The following AXL variants were observed in gnomAD, a reference collection of about 807,000 sequenced individuals.
AXL encodes AXL receptor tyrosine kinase.
A neutral mutation model predicts 104.5 loss-of-function variants in AXL; 52 were observed. The observed-to-expected ratio is 0.50, with a 90% CI of 0.40 to 0.63. The LOEUF (loss-of-function observed/expected upper bound fraction) is 0.63, where lower values mean the gene tolerates loss of function less well. Ranked by LOEUF, AXL falls within the 20% of genes least tolerant of loss-of-function variation. The probability of loss-of-function intolerance (pLI) is 0.00; values close to 1 mark genes in which losing one functional copy is unlikely to be tolerated. For missense variants in AXL, 1,024 were observed against 1,188.5 expected (o/e 0.86, Z 2.04); for synonymous variants, 455 against 473.7 (o/e 0.96, Z 0.51).
intron 4 of AXL, among the ~76,000 whole-genome samples, chr19:41,223,915 T>C (rs2033835725): frequency 6.6e-6 from 1 of 152,014 alleles, no homozygotes; most frequent in Admixed American, 6.6e-5. Context: ...CAGCACAACC[T>C]CTGTGTGAGG....
chr19:41,223,449 T>C (rs1023614967), intron 4 of AXL, among the ~76,000 whole-genome samples: 10 of 152,116 alleles, frequency 6.6e-5, no homozygotes, highest in African/African-American at 2.4e-4. Context: ...TGGGGGACCC[T>C]GGATTCAGGG....
chr19:41,244,535 A>T (rs1008691609), intron 12 of AXL, among the ~76,000 whole-genome samples: 2 of 151,162 alleles, frequency 1.3e-5, no homozygotes, highest in African/African-American at 2.4e-5. Flanking sequence ...GCTGGAGCAC[A>T]GTGGCACAAT....
chr19:41,225,873 G>A (rs2033870529), intron 4 of AXL, among the ~76,000 whole-genome samples: 1 of 152,030 alleles, frequency 6.6e-6, no homozygotes, highest in Admixed American at 6.6e-5. Context: ...AAGGAATTTC[G>A]TCCGTTTGTG....
intron 10 of AXL, among the ~76,000 whole-genome samples, chr19:41,242,110 C>T (rs192406103): frequency 7.9e-5 from 12 of 152,112 alleles, no homozygotes; most frequent in South Asian, 2.1e-4. Flanking sequence ...ACTCATAACG[C>T]GTTCCACACA....
intron 4 of AXL, chr19:41,226,930 T>C (rs150527825): frequency 1.2e-5 from 5 of 412,974 alleles, no homozygotes; most frequent in African/African-American, 2.2e-5. Context: ...TCTCCTCTTC[T>C]CTACAAAAAA....
chr19:41,220,728 G>A lies in AXL; in HGVS notation c.178G>A (p.Val60Ile), dbSNP rs144418422. 2.5e-6 allele frequency: 4 copies of A among 1,613,988 alleles called. No individual in the cohort carries two copies. The highest frequency in any genetic ancestry group is 1.3e-5 in the African/African-American group (1 of 74,934). ...LTGTLRCQLQ[V>I]QGEPPEVHWL... ...GGGCACCCTTCGGTGTCAGCTCCAGGTTCAGGGAGAGCCCCCCGAGGTACA... is the reference window on the plus strand; with the variant it reads ...GGGCACCCTTCGGTGTCAGCTCCAGATTCAGGGAGAGCCCCCCGAGGTACA... The change falls in exon 2 of 20, where the codon GTT (valine) becomes ATT (isoleucine). Residue 60 changes from valine to isoleucine, a missense_variant. Val to Ile is a conservative substitution (Grantham distance 29). Transcript: ENST00000301178.
intron 6 of AXL, among the ~76,000 whole-genome samples, chr19:41,233,050 C>T (rs967715154): frequency 1.3e-5 from 2 of 151,632 alleles, no homozygotes; most frequent in African/African-American, 2.4e-5. Context: ...AGTGCTGTGG[C>T]GTGATCACGG....
At chr19:41,230,858 G>A in intron 4 of AXL, 109 bp from the exon 5 acceptor site, 2 of 1,136,038 alleles carry the variant, frequency 1.8e-6, no homozygotes, top group Non-Finnish European at 1.3e-6. Flanking sequence ...GCCTGTGTGG[G>A]CTGCACTGCC....
chr19:41,248,746 A>T lies in AXL; in HGVS notation c.1637A>T (p.Glu546Val). ...VALGKTLGEGEFGAVMEGQLN... is the reference protein window; with the variant it reads ...VALGKTLGEGVFGAVMEGQLN... ...GTCTCCCTCTGGCCCCCCACAGGAG[A>T]GTTTGGAGCTGTGATGGAAGGCCAG... Residue 546 changes from glutamate (E) to valine (V), a missense_variant, in exon 14 of 20, where the codon GAG becomes GTG. This residue lies in a region of AXL where 523 missense variants were observed against 636.0 expected (regional missense o/e 0.82). Coordinates refer to ENST00000301178, the MANE Select transcript of AXL (RefSeq NM_021913.5). The T allele has an allele frequency of 6.2e-7, 1 of 1,613,958 alleles. No homozygotes were observed. The highest frequency in any genetic ancestry group is 8.5e-7 in the Non-Finnish European group (1 of 1,179,988).
intron 12 of AXL, among the ~76,000 whole-genome samples, chr19:41,247,358 A>T (rs151013801): frequency 0.013 from 1,997 of 152,286 alleles, 20 homozygotes; most frequent in Middle Eastern, 0.065. Context: ...TACTAAAAAT[A>T]CAAAATTAGC....
chr19:41,257,645 T>C lies in AXL; in HGVS notation c.2333+16T>C, dbSNP rs2034476182. 2.5e-6 allele frequency: 4 copies of C among 1,613,792 alleles called. No homozygotes were observed. In the African/African-American group the frequency reaches 5.3e-5, roughly 22 times the overall value. ...TGGATGGACTGTGAGGACCCTTAGG[T>C]CTCCCCCAACCCAGAATTCATTCCA... On this transcript the variant is annotated intron_variant, in intron 19 of 19. Coordinates refer to ENST00000301178, the MANE Select transcript of AXL (RefSeq NM_021913.5).
intron 4 of AXL, among the ~76,000 whole-genome samples, chr19:41,223,630 GCTCACATTCTCAGCAT>G (rs1430003724): frequency 6.6e-6 from 1 of 152,170 alleles, no homozygotes; most frequent in Non-Finnish European, 1.5e-5. Context: ...GGAGGGAGGA[GCTCACATTCTCAGCAT>G]TCCTGGGACC....
intron 17 of AXL, among the ~76,000 whole-genome samples, chr19:41,253,938 TG>T (rs1281436853): frequency 1.3e-5 from 2 of 151,358 alleles, no homozygotes; most frequent in Admixed American, 1.3e-4. Context: ...GACCAGAAGG[TG>T]GGCTCAGTGC....
Position 41,257,639 on chromosome 19 carries a change from C to T in AXL, c.2333+10C>T, listed in dbSNP as rs1210621325. 1.5e-5 allele frequency: 25 copies of T among 1,613,960 alleles called. No individual in the cohort carries two copies. The highest frequency in any genetic ancestry group is 2.1e-5 in the Non-Finnish European group (25 of 1,179,964). On this transcript the variant is annotated intron_variant, in intron 19 of 19. Coordinates refer to ENST00000301178, the MANE Select transcript of AXL (RefSeq NM_021913.5). ...ACTGTCTGGATGGACTGTGAGGACC[C>T]TTAGGTCTCCCCCAACCCAGAATTC...
In AXL at chr19:41,220,696, G is replaced by A. The variant is rs775741490; in HGVS notation, c.146G>A (p.Gly49Glu). 3 of 1,612,760 alleles carry A rather than the reference G, an allele frequency of 1.9e-6. No individual in the cohort carries two copies. The highest frequency in any genetic ancestry group is 2.2e-5 in the East Asian group (1 of 44,822). Residue 49 changes from glycine (G) to glutamate (E), a missense_variant, in exon 2 of 20, where the codon GGA becomes GAA. Physicochemically the swap from Gly to Glu is moderately conservative, Grantham distance 98. This residue lies in a region of AXL where 124 missense variants were observed against 115.5 expected (regional missense o/e 1.07). Coordinates refer to ENST00000301178, the MANE Select transcript of AXL (RefSeq NM_021913.5). ...GNPGNITGAR[G>E]LTGTLRCQLQ... ...CCAGGGAATATCACAGGTGCCCGGGGACTCACGGGCACCCTTCGGTGTCAG... is the reference window on the plus strand; with the variant it reads ...CCAGGGAATATCACAGGTGCCCGGGAACTCACGGGCACCCTTCGGTGTCAG...
chr19:41,221,733 G>T (rs2033794250), intron 3 of AXL, 147 bp from the exon 4 acceptor site: 2 of 804,886 alleles, frequency 2.5e-6, no homozygotes, highest in Non-Finnish European at 3.8e-6. Flanking sequence ...GTTGGGTATG[G>T]CTCAGGTGCC....
chr19:41,220,289 C>A, intron 1 of AXL: 1 of 227,978 alleles, frequency 4.4e-6, no homozygotes, highest in Non-Finnish European at 8.7e-6. Flanking sequence ...CCTGATTCTT[C>A]CCCTCCATCC....
intron 14 of AXL, among the ~76,000 whole-genome samples, chr19:41,250,299 G>A (rs1010518804): frequency 3.3e-5 from 5 of 152,158 alleles, no homozygotes; most frequent in African/African-American, 9.7e-5. Flanking sequence ...AGAAGCATAG[G>A]GCATTCAGAT....
chr19:41,220,918 C>A, intron 2 of AXL, 60 bp downstream of exon 2: 1 of 1,574,732 alleles, frequency 6.4e-7, no homozygotes, highest in South Asian at 1.2e-5. Context: ...GCAGAAAGCC[C>A]ACCTGGGTGG....
Sources: allele counts gnomAD v4.1 joint callset (sites outside exome capture counted in the v4.1 genomes callset), GRCh38; gene constraint gnomAD v4.1.1; regional missense constraint gnomAD v4.1.1; transcripts MANE v1.5; gene names NCBI Gene and HGNC (gene_info 2026-07-23, HGNC 2026-07-21).